The following AKAP9 variants were observed in gnomAD, a reference collection of about 807,000 sequenced individuals.
The protein encoded by AKAP9 is A-kinase anchor protein 9.
AKAP9 carries 311 observed loss-of-function variants against 488.5 expected under a neutral mutation model. The ratio of observed to expected loss-of-function variants is 0.64; its 90% CI spans 0.58 to 0.70. AKAP9 has a LOEUF of 0.70. AKAP9 is among the 30% of genes least tolerant of loss of function. The pLI, the probability that AKAP9 is intolerant of heterozygous loss-of-function variation, is 0.00. For missense variants in AKAP9, 4,215 were observed against 4,374.5 expected (o/e 0.96, Z 1.03); for synonymous variants, 1,462 against 1,483.5 (o/e 0.99, Z 0.33).
intron 49 of AKAP9, chr7:92,108,901 A>C (rs1818941000): frequency 2.0e-6 from 1 of 507,370 alleles, no homozygotes; most frequent in African/African-American, 1.9e-5. Flanking sequence ...CTGATGACAC[A>C]AAATGCACAA....
intron 12 of AKAP9, among the ~76,000 whole-genome samples, chr7:92,018,097 G>C (rs1286679102): frequency 6.6e-6 from 1 of 152,204 alleles, no homozygotes; most frequent in East Asian, 1.9e-4. Flanking sequence ...GAGAAAACAT[G>C]CCTCATCCAA....
In AKAP9 at chr7:91,996,914, C is replaced by T. The variant is rs1265731870; in HGVS notation, c.930+1114C>T. On this transcript the variant is annotated intron_variant, in intron 7 of 49. Transcript: ENST00000356239. The stretch of plus-strand genomic sequence containing the variant: ...CTTATATTAACTCATTGAATCATCA[C>T]CATAGGCCTGTGCAATAGAAGTACA... 2.0e-5 allele frequency among the ~76,000 whole-genome samples: 3 copies of T among 152,086 alleles called. No individual in the cohort carries two copies. The South Asian group carries it at 6.2e-4, about 32-fold the overall frequency.
At position 92,079,833 on chromosome 7, in the gene AKAP9, A is replaced by C; in HGVS notation, c.7700A>C (p.Tyr2567Ser). ...ATCCAACTTGAGGCAGTTCAGGAAT[A>C]TGCAAAATTCTGTCAAGATAATCAA... is the stretch of plus-strand genomic sequence containing the variant. Reference protein sequence around the residue: ...SQIQLEAVQEYAKFCQDNQTI... With the variant: ...SQIQLEAVQESAKFCQDNQTI... Residue 2567 changes from tyrosine (Y) to serine (S), a missense_variant, in exon 31 of 50, where the codon TAT becomes TCT. Physicochemically the swap from Tyr to Ser is moderately radical, Grantham distance 144 (BLOSUM62 -2). Transcript: ENST00000356239. 1.2e-6 allele frequency: 2 copies of C among 1,614,156 alleles called. No homozygotes were observed. The highest frequency in any genetic ancestry group is 1.7e-6 in the Non-Finnish European group (2 of 1,180,004).
chr7:92,037,606 T>C (rs1328443064), intron 16 of AKAP9, among the ~76,000 whole-genome samples: 2 of 152,156 alleles, frequency 1.3e-5, no homozygotes, highest in African/African-American at 2.4e-5. Flanking sequence ...AATTCCTAAG[T>C]ACCTGTGCTG....
intron 1 of AKAP9, among the ~76,000 whole-genome samples, chr7:91,967,040 G>A (rs1311379278): frequency 1.3e-5 from 2 of 151,798 alleles, no homozygotes; most frequent in African/African-American, 4.8e-5. Flanking sequence ...TACTTCTTTA[G>A]TTAAATTGAT....
chr7:91,995,625 G>A lies in AKAP9; in HGVS notation c.755G>A (p.Arg252Lys). ...FQQLQASETL[R>K]NSTHSSTAAD... ...CAGTTACAGGCTAGTGAAACTCTGAGAAACAGCACTCATAGTAGCACAGCT... is the reference window on the plus strand; with the variant it reads ...CAGTTACAGGCTAGTGAAACTCTGAAAAACAGCACTCATAGTAGCACAGCT... Residue 252 changes from arginine (R) to lysine (K), a missense_variant, in exon 7 of 50, where the codon AGA (arginine) becomes AAA (lysine). By Grantham distance (26) the Arg-to-Lys change is conservative (BLOSUM62 2). Transcript: ENST00000356239. 3.1e-6 allele frequency: 5 copies of A among 1,614,084 alleles called. No homozygotes were observed. The highest frequency in any genetic ancestry group is 4.2e-6 in the Non-Finnish European group (5 of 1,180,016).
chr7:92,108,467 T>C, intron 48 of AKAP9, 27 bp from the exon 49 acceptor site: 4 of 1,612,590 alleles, frequency 2.5e-6, no homozygotes, highest in Non-Finnish European at 2.5e-6. Flanking sequence ...GATAACTTGA[T>C]TCATGTACAT....
intron 16 of AKAP9, among the ~76,000 whole-genome samples, chr7:92,034,737 G>C (rs1194006261): frequency 6.6e-6 from 1 of 151,142 alleles, no homozygotes; most frequent in East Asian, 1.9e-4. Flanking sequence ...GACCTCAAGT[G>C]ATCCACCCAC....
At chr7:91,941,278 G>C in intron 1 of AKAP9, 131 bp downstream of exon 1, 1 of 831,430 alleles carries the variant, frequency 1.2e-6, no homozygotes, top group Admixed American at 2.4e-5. Flanking sequence ...CAGGGTCTTA[G>C]GGTCTGCATC....
At chr7:91,975,503 GT>G (rs1486638082) in intron 2 of AKAP9, among the ~76,000 whole-genome samples, 4 of 151,972 alleles carry the variant, frequency 2.6e-5, no homozygotes, top group Non-Finnish European at 4.4e-5. Context: ...TAGGTTTTTT[GT>G]TTTGTTTTGT....
chr7:91,968,552 TTC>T (rs1794692903), intron 1 of AKAP9, among the ~76,000 whole-genome samples: 2 of 152,196 alleles, frequency 1.3e-5, no homozygotes, highest in South Asian at 4.1e-4. Context: ...AACTTTTTGT[TTC>T]ATTGACTTCT....
intron 16 of AKAP9, among the ~76,000 whole-genome samples, chr7:92,036,815 T>A (rs1269957392): frequency 6.6e-6 from 1 of 152,202 alleles, no homozygotes; most frequent in African/African-American, 2.4e-5. Flanking sequence ...TGTTAAGTTG[T>A]ATTCTATGGT....
At chr7:91,986,210 G>A (rs886311973) in intron 3 of AKAP9, among the ~76,000 whole-genome samples, 4 of 152,204 alleles carry the variant, frequency 2.6e-5, no homozygotes, top group African/African-American at 7.2e-5. Flanking sequence ...AGCCAGGCAC[G>A]GGAGAGAATC....
intron 28 of AKAP9, among the ~76,000 whole-genome samples, chr7:92,072,142 T>C (rs1031025217): frequency 6.6e-6 from 1 of 152,196 alleles, no homozygotes; most frequent in African/African-American, 2.4e-5. Flanking sequence ...CTGTGGATAA[T>C]TGATTAACCT....
intron 3 of AKAP9, among the ~76,000 whole-genome samples, chr7:91,986,543 A>G (rs1221640906): frequency 6.6e-6 from 1 of 152,174 alleles, no homozygotes; most frequent in Non-Finnish European, 1.5e-5. Flanking sequence ...GATCCTCACA[A>G]ATTTTAATTT....
rs772023553 is a variant in AKAP9, at chr7:92,038,743, A to G, written c.4663A>G (p.Lys1555Glu). The change falls in exon 17 of 50, where the codon AAA becomes GAA. Residue 1555 changes from lysine (K) to glutamate (E), a missense_variant. Physicochemically the swap from Lys to Glu is moderately conservative, Grantham distance 56. This residue lies in a region of AKAP9 where 2,361 missense variants were observed against 2,430.0 expected (regional missense o/e 0.97). Coordinates refer to ENST00000356239, the MANE Select transcript of AKAP9 (RefSeq NM_005751.5). ...GACTATTTCAGAAGAAATGTTCTCC[A>G]AAGATAAAACATTTATAGTTAGACA... ...VLTISEEMFS[K>E]DKTFIVRQSI... 1 of 1,606,318 alleles carries G rather than the reference A, an allele frequency of 6.2e-7. No individual in the cohort carries two copies. The highest frequency in any genetic ancestry group is 8.5e-7 in the Non-Finnish European group (1 of 1,177,234).
intron 1 of AKAP9, 147 bp from the exon 2 acceptor site, chr7:91,973,564 A>G: frequency 1.2e-6 from 1 of 862,446 alleles, no homozygotes; most frequent in Non-Finnish European, 1.8e-6. Flanking sequence ...TAGTTACATT[A>G]AAGACTGTAA....
rs146850116 is a variant in AKAP9, at chr7:91,984,499, T to C, written c.351+4166T>C. On this transcript the variant is annotated intron_variant, in intron 3 of 49. Transcript: ENST00000356239. The stretch of plus-strand genomic sequence containing the variant: ...GTTCCATTGGTCTATATCTCTGTTT[T>C]GGTACCAGTATCATGCTGTTTTGGT... 1.0e-2 allele frequency among the ~76,000 whole-genome samples: 1,518 copies of C among 152,330 alleles called. 25 individuals are homozygous for C. The highest frequency in any genetic ancestry group is 0.034 in the African/African-American group (1,422 of 41,564).
At chr7:92,094,969 T>C in intron 39 of AKAP9, 54 bp from the exon 40 acceptor site, 1 of 1,566,972 alleles carries the variant, frequency 6.4e-7, no homozygotes, top group Middle Eastern at 1.8e-4. Flanking sequence ...CTCTCTCTCA[T>C]TATATGCTTC....
Sources: gnomAD v4.1 joint callset for allele counts (sites outside exome capture counted in the v4.1 genomes callset) on GRCh38, gnomAD v4.1.1 for gene constraint, gnomAD v4.1.1 regional missense constraint, MANE v1.5 for transcripts, NCBI Gene and HGNC (gene_info 2026-07-23, HGNC 2026-07-21) for gene names.